The following LIPI variants were observed in gnomAD, a reference collection of about 807,000 sequenced individuals.
LIPI encodes the protein lipase member I.
Under a neutral mutation model 50.6 loss-of-function variants are expected in LIPI, and 59 were observed. That is an observed-to-expected ratio of 1.16 (90% CI 0.94 to 1.45). The LOEUF is 1.45. Among genes scored for constraint, LIPI ranks in the 40% most tolerant of loss-of-function variants. The pLI is 0.00. For synonymous variants in LIPI, 203 were observed against 178.2 expected, an observed-to-expected ratio of 1.14 and a Z score of -1.11; for missense variants, 586 against 536.3, an observed-to-expected ratio of 1.09 and a Z score of -0.92.
At chr21:14,164,321 C>A (rs2018598314) in intron 6 of LIPI, among the ~76,000 whole-genome samples, 1 of 151,952 alleles carries the variant, frequency 6.6e-6, no homozygotes, top group Admixed American at 6.6e-5. Context: ...AAGGATGGGG[C>A]CAGAAAAGCA....
chr21:14,186,159 T>G, intron 2 of LIPI, 90 bp from the exon 3 acceptor site: 1 of 791,730 alleles, frequency 1.3e-6, no homozygotes, highest in Non-Finnish European at 2.2e-6. Context: ...TCAAAATTCA[T>G]TATTTTTCTG....
intron 4 of LIPI, among the ~76,000 whole-genome samples, chr21:14,172,730 G>A (rs9977489): frequency 0.012 from 1,868 of 151,564 alleles, 40 homozygotes; most frequent in African/African-American, 0.042. Flanking sequence ...GTGGGGGAAG[G>A]GGGGAGGGAT....
At chr21:14,169,687 C>A (rs929661635) in intron 4 of LIPI, among the ~76,000 whole-genome samples, 10 of 152,100 alleles carry the variant, frequency 6.6e-5, no homozygotes, top group African/African-American at 1.9e-4. Flanking sequence ...CACAACATAC[C>A]AGAATCCCTG....
intron 3 of LIPI, among the ~76,000 whole-genome samples, chr21:14,182,866 A>G (rs1473005166): frequency 6.6e-6 from 1 of 152,244 alleles, no homozygotes; most frequent in African/African-American, 2.4e-5. Context: ...AGAACATTCC[A>G]TGCTCATGGG....
At chr21:14,189,768 G>C (rs1241459383) in intron 1 of LIPI, among the ~76,000 whole-genome samples, 1 of 152,040 alleles carries the variant, frequency 6.6e-6, no homozygotes, top group Non-Finnish European at 1.5e-5. Flanking sequence ...TTTAACAAAA[G>C]TTTTACAGAG....
rs776639663 is a variant in LIPI, at chr21:14,189,173, CT to C, written c.292del (p.Arg98GlyfsTer4). On this transcript the variant is annotated frameshift_variant, in exon 2 of 10. Coordinates refer to ENST00000681601, the MANE Select transcript of LIPI (RefSeq NM_001302998.2). LOFTEE classifies it high-confidence loss of function. ...CATATCTTCTTCATTCAGCAAAATCCTTACGAAGTTCTGAAGCCATAATGGG... is the reference window on the plus strand; with the variant it reads ...CATATCTTCTTCATTCAGCAAAATCCTACGAAGTTCTGAAGCCATAATGGG... ...SIPLWLQNFVRILLNEEDMNV... is the reference protein window; with the variant it reads ...SIPLWLQNFVXILLNEEDMNV... 1 of 1,614,106 alleles carries C rather than the reference CT, an allele frequency of 6.2e-7. No individual in the cohort carries two copies. Among genetic ancestry groups the C allele is most frequent in the African/African-American group, 1.3e-5 (1 of 75,034 alleles).
At chr21:14,144,478 G>C (rs2017828482) in intron 9 of LIPI, 145 bp downstream of exon 9, 1 of 476,314 alleles carries the variant, frequency 2.1e-6, no homozygotes, top group African/African-American at 2.0e-5. Flanking sequence ...ATACCTTTTT[G>C]AGATTCTAAT....
chr21:14,135,568 G>C (rs1167622937), intron 9 of LIPI, among the ~76,000 whole-genome samples: 1 of 152,112 alleles, frequency 6.6e-6, no homozygotes, highest in Non-Finnish European at 1.5e-5. Context: ...GGAAAAACCA[G>C]ATCAAACTCA....
chr21:14,181,979 TC>T (rs1406435063), intron 3 of LIPI, 120 bp from the exon 4 acceptor site: 1 of 679,442 alleles, frequency 1.5e-6, no homozygotes, highest in East Asian at 2.8e-5. Flanking sequence ...TTTAAACCTA[TC>T]CAAGAACATA....
At chr21:14,189,826 A>G (rs2019605768) in intron 1 of LIPI, among the ~76,000 whole-genome samples, 1 of 152,090 alleles carries the variant, frequency 6.6e-6, no homozygotes, top group Non-Finnish European at 1.5e-5. Flanking sequence ...TAACTTGTCT[A>G]GTCATCAATA....
chr21:14,177,549 T>A (rs905048659), intron 4 of LIPI, among the ~76,000 whole-genome samples: 2 of 152,042 alleles, frequency 1.3e-5, no homozygotes, highest in Non-Finnish European at 2.9e-5. Context: ...GTATATTCAA[T>A]TTTTGTCCTT....
intron 5 of LIPI, 54 bp from the exon 6 acceptor site, chr21:14,165,444 G>C: frequency 7.5e-7 from 1 of 1,336,098 alleles, no homozygotes; most frequent in East Asian, 2.3e-5. Context: ...CCATGTTCAA[G>C]TACATTTAAA....
chr21:14,203,763 A>G (rs1225017226), intron 1 of LIPI, among the ~76,000 whole-genome samples: 1 of 152,016 alleles, frequency 6.6e-6, no homozygotes, highest in African/African-American at 2.4e-5. Context: ...ATTAATGTTA[A>G]TGGGTGCAGC....
At chr21:14,141,280 A>C (rs948427767) in intron 9 of LIPI, among the ~76,000 whole-genome samples, 4 of 151,558 alleles carry the variant, frequency 2.6e-5, no homozygotes, top group Non-Finnish European at 5.9e-5. Context: ...TATTTTCTCT[A>C]TTTTTATATC....
At chr21:14,143,335 C>A (rs527312045) in intron 9 of LIPI, among the ~76,000 whole-genome samples, 7 of 152,198 alleles carry the variant, frequency 4.6e-5, no homozygotes, top group Admixed American at 1.3e-4. Context: ...AGGAACAATA[C>A]AATTACTCCT....
At chr21:14,145,084 T>C (rs2017854122) in intron 8 of LIPI, among the ~76,000 whole-genome samples, 1 of 151,952 alleles carries the variant, frequency 6.6e-6, no homozygotes, top group Non-Finnish European at 1.5e-5. Flanking sequence ...GTCTAGATTT[T>C]ACATTTGACT....
intron 9 of LIPI, among the ~76,000 whole-genome samples, chr21:14,143,117 A>G (rs2017773850): frequency 6.6e-6 from 1 of 152,166 alleles, no homozygotes; most frequent in African/African-American, 2.4e-5. Context: ...CTTTACCATT[A>G]AAAGTATTAG....
intron 9 of LIPI, among the ~76,000 whole-genome samples, chr21:14,137,596 C>A (rs1339105837): frequency 6.6e-6 from 1 of 151,656 alleles, no homozygotes; most frequent in Non-Finnish European, 1.5e-5. Flanking sequence ...TAGAAAATAG[C>A]CTTAAAAGGG....
intron 1 of LIPI, among the ~76,000 whole-genome samples, chr21:14,199,443 G>A (rs537312693): frequency 1.3e-4 from 19 of 151,910 alleles, no homozygotes; most frequent in African/African-American, 4.1e-4. Context: ...ACAACCACCA[G>A]AGAATATTAT....
Sources: allele counts gnomAD v4.1 joint callset (sites outside exome capture counted in the v4.1 genomes callset), GRCh38; gene constraint gnomAD v4.1.1; transcripts MANE v1.5; gene names NCBI Gene and HGNC (gene_info 2026-07-23, HGNC 2026-07-21).